The following CCSER1 variants were observed in gnomAD, a reference collection of about 807,000 sequenced individuals.
CCSER1 encodes coiled-coil serine rich protein 1.
In CCSER1, 41 loss-of-function variants were observed where a neutral mutation model predicts 82.0. The observed-to-expected ratio is 0.50, with a 90% CI of 0.39 to 0.65. The LOEUF (loss-of-function observed/expected upper bound fraction) is 0.65, where lower values mean the gene tolerates loss of function less well. CCSER1 is among the 30% of genes least tolerant of loss of function. The pLI, the probability that CCSER1 is intolerant of heterozygous loss-of-function variation, is 0.00. For synonymous variants in CCSER1, 414 were observed against 383.9 expected (o/e 1.08, Z -0.92); for missense variants, 1,119 against 1,064.2 (o/e 1.05, Z -0.72).
chr4:91,377,924 G>A (rs1347687442), intron 10 of CCSER1, among the ~76,000 whole-genome samples: 1 of 152,166 alleles, frequency 6.6e-6, no homozygotes, highest in Non-Finnish European at 1.5e-5. Context: ...ATTAATTTTT[G>A]TATAAGGTGT....
At position 90,179,999 on chromosome 4, in the gene CCSER1, A is replaced by G. The variant is rs536349491; in HGVS notation, c.-42+52168A>G. ...ACTCCTAATGTATGATAGGACAGAA[A>G]AGACAAAGATTAAAAAATAGACTAA... On this transcript the variant is annotated intron_variant, in intron 1 of 10. Coordinates refer to ENST00000509176, the MANE Select transcript of CCSER1 (RefSeq NM_001145065.2). 9.9e-5 allele frequency among the ~76,000 whole-genome samples: 15 copies of G among 152,168 alleles called. No homozygotes were observed. The South Asian group carries it at 2.3e-3, about 23-fold the overall frequency.
chr4:90,501,243 A>T lies in CCSER1; in HGVS notation c.1724+32889A>T, dbSNP rs185492792. On this transcript the variant is annotated intron_variant, in intron 5 of 10. Transcript: ENST00000509176. ...GAATTTCACTTGAAAAAGATAAAAG[A>T]TTTCATAGTAGTAATAGAATGTTGG... 2.4e-3 allele frequency among the ~76,000 whole-genome samples: 361 copies of T among 152,272 alleles called. 2 individuals carry two copies. The highest frequency in any genetic ancestry group is 2.8e-3 in the Non-Finnish European group (193 of 68,028).
intron 1 of CCSER1, among the ~76,000 whole-genome samples, chr4:90,268,316 A>G (rs1433611557): frequency 6.6e-6 from 1 of 152,190 alleles, no homozygotes. Flanking sequence ...AAAAGATGAA[A>G]CAATCAAAAA....
chr4:90,776,452 C>G (rs967654614), intron 7 of CCSER1, among the ~76,000 whole-genome samples: 9 of 152,166 alleles, frequency 5.9e-5, no homozygotes, highest in African/African-American at 2.2e-4. Flanking sequence ...GTTTTGAACA[C>G]AAATCCTTAT....
At chr4:91,055,790 C>A (rs1048678107) in intron 9 of CCSER1, among the ~76,000 whole-genome samples, 1 of 139,636 alleles carries the variant, frequency 7.2e-6, no homozygotes, top group Non-Finnish European at 1.5e-5. Flanking sequence ...CTCCCTCCCT[C>A]CCTCCCTCCC....
At chr4:90,800,333 G>A (rs1018924692) in intron 7 of CCSER1, among the ~76,000 whole-genome samples, 1 of 151,958 alleles carries the variant, frequency 6.6e-6, no homozygotes, top group African/African-American at 2.4e-5. Flanking sequence ...ATACTCTTGG[G>A]CTCAGGAAAT....
chr4:91,305,106 CAT>C (rs1371474531), intron 10 of CCSER1, among the ~76,000 whole-genome samples: 2 of 151,968 alleles, frequency 1.3e-5, no homozygotes, highest in Non-Finnish European at 2.9e-5. Context: ...ACAGACAGCT[CAT>C]ATGATTTCTA....
rs545298100 is a variant in CCSER1, at chr4:90,304,354, T to A, written c.-41-3890T>A. Among the ~76,000 whole-genome samples, 27 of 152,266 alleles carry A rather than the reference T, an allele frequency of 1.8e-4. No homozygotes were observed. In the South Asian group the frequency reaches 5.2e-3, roughly 29 times the overall value. On this transcript the variant is annotated intron_variant, in intron 1 of 10. Coordinates refer to ENST00000509176, the MANE Select transcript of CCSER1 (RefSeq NM_001145065.2). ...CTATAAAGACACATGCACACGTATG[T>A]TTATTGCGGCATTATTCACAACAGC...
chr4:90,494,590 T>C (rs1227793827), intron 5 of CCSER1, among the ~76,000 whole-genome samples: 1 of 152,170 alleles, frequency 6.6e-6, no homozygotes, highest in African/African-American at 2.4e-5. Flanking sequence ...CTACAAAATT[T>C]CTTTGAATCT....
intron 3 of CCSER1, among the ~76,000 whole-genome samples, chr4:90,331,754 G>T (rs536165717): frequency 2.6e-5 from 4 of 152,134 alleles, no homozygotes; most frequent in Non-Finnish European, 2.9e-5. Flanking sequence ...CATTTCTTCA[G>T]TGAACGTTGT....
intron 9 of CCSER1, among the ~76,000 whole-genome samples, chr4:91,056,506 C>T (rs1180210039): frequency 6.6e-6 from 1 of 152,136 alleles, no homozygotes; most frequent in Non-Finnish European, 1.5e-5. Flanking sequence ...TCTGGCAAGA[C>T]CTTTTATAAC....
intron 5 of CCSER1, among the ~76,000 whole-genome samples, chr4:90,547,241 A>T (rs1038883457): frequency 3.6e-4 from 55 of 151,954 alleles, no homozygotes; most frequent in African/African-American, 1.1e-3. Flanking sequence ...TAAAATAAAA[A>T]AAAGAAAAAA....
chr4:90,838,427 A>T (rs1485295857), intron 8 of CCSER1, among the ~76,000 whole-genome samples: 1 of 151,574 alleles, frequency 6.6e-6, no homozygotes, highest in Non-Finnish European at 1.5e-5. Flanking sequence ...AATTTATATG[A>T]TCTGCTTGAT....
intron 10 of CCSER1, among the ~76,000 whole-genome samples, chr4:91,113,883 C>G (rs1307722895): frequency 6.7e-6 from 1 of 150,254 alleles, no homozygotes; most frequent in East Asian, 2.0e-4. Context: ...TACGGAGTCT[C>G]GCTCTGTCGC....
At chr4:91,152,436 T>C (rs1730319757) in intron 10 of CCSER1, among the ~76,000 whole-genome samples, 1 of 152,026 alleles carries the variant, frequency 6.6e-6, no homozygotes, top group Non-Finnish European at 1.5e-5. Flanking sequence ...CCAATCTTTA[T>C]CTTTACCTTT....
At chr4:91,234,423 A>G (rs1738848006) in intron 10 of CCSER1, among the ~76,000 whole-genome samples, 1 of 152,108 alleles carries the variant, frequency 6.6e-6, no homozygotes, top group South Asian at 2.1e-4. Flanking sequence ...CAGATAGCTC[A>G]ATTAGAGGTT....
intron 10 of CCSER1, among the ~76,000 whole-genome samples, chr4:91,203,044 A>G (rs1736058614): frequency 6.6e-6 from 1 of 151,962 alleles, no homozygotes; most frequent in South Asian, 2.1e-4. Flanking sequence ...AAATGTAGTC[A>G]CTGTCCGTAG....
intron 9 of CCSER1, among the ~76,000 whole-genome samples, chr4:90,969,259 G>T (rs1734857405): frequency 6.6e-6 from 1 of 151,938 alleles, no homozygotes; most frequent in Admixed American, 6.6e-5. Context: ...CTGAAAATGT[G>T]CCAAATCTTG....
chr4:91,281,236 C>T (rs916335970), intron 10 of CCSER1, among the ~76,000 whole-genome samples: 1 of 152,166 alleles, frequency 6.6e-6, no homozygotes, highest in African/African-American at 2.4e-5. Flanking sequence ...TGCATTTCAG[C>T]ATTTTCTTTC....
Sources: allele counts gnomAD v4.1 joint callset (sites outside exome capture counted in the v4.1 genomes callset), GRCh38; gene constraint gnomAD v4.1.1; transcripts MANE v1.5; gene names NCBI Gene and HGNC (gene_info 2026-07-23, HGNC 2026-07-21).